The following KCNMA1 variants were observed in gnomAD, a reference collection of about 807,000 sequenced individuals.
The protein encoded by KCNMA1 is potassium calcium-activated channel subfamily M alpha 1.
In KCNMA1, 29 loss-of-function variants were observed where a neutral mutation model predicts 140.0. The observed-to-expected ratio is 0.21, with a 90% CI of 0.15 to 0.28. The LOEUF is 0.28. Among genes scored for constraint, KCNMA1 ranks in the 10% least tolerant of loss-of-function variants. KCNMA1 has a pLI of 1.00. For synonymous variants in KCNMA1, 612 were observed against 611.9 expected, an observed-to-expected ratio of 1.00 and a Z score of 0.00; for missense variants, 880 against 1,602.2, an observed-to-expected ratio of 0.55 and a Z score of 7.70.
At position 77,479,190 on chromosome 10, in the gene KCNMA1, A is replaced by G. The variant is rs183951684; in HGVS notation, c.379-75167T>C. On this transcript the variant is annotated intron_variant, in intron 1 of 27. Coordinates refer to ENST00000286628, the MANE Select transcript of KCNMA1 (RefSeq NM_001161352.2). The stretch of plus-strand genomic sequence containing the variant: ...GAAATAGAAAAGAATATCCACAGAT[A>G]TTATTCAGCCTTGCTGGGATTTGGA... Among the ~76,000 whole-genome samples, 727 of 152,338 alleles carry G rather than the reference A, an allele frequency of 4.8e-3. 2 individuals are homozygous for G. The highest frequency in any genetic ancestry group is 0.017 in the Middle Eastern group (5 of 294).
chr10:77,489,764 T>C (rs1949352), intron 1 of KCNMA1, among the ~76,000 whole-genome samples: 28,110 of 152,230 alleles, frequency 0.18, 4,536 homozygotes, highest in African/African-American at 0.43. Flanking sequence ...GAAAATACTA[T>C]AGAGTAAGGC....
chr10:77,506,596 A>AGAGAGAGAGAGAGAGAGTGTGTGTGTGT lies in KCNMA1; in HGVS notation c.379-102574_379-102573insACACACACACACTCTCTCTCTCTCTCTC. ...TAGAGAGAGAGAGAGAGAGAGAGAG[A>AGAGAGAGAGAGAGAGAGTGTGTGTGTGT]GTGTGTGTGTGTGTGTGTGTGTGTT... On this transcript the variant is annotated intron_variant, in intron 1 of 27. Transcript: ENST00000286628. Among the ~76,000 whole-genome samples, 32 of 83,560 alleles carry AGAGAGAGAGAGAGAGAGTGTGTGTGTGT rather than the reference A, an allele frequency of 3.8e-4. 2 individuals are homozygous for AGAGAGAGAGAGAGAGAGTGTGTGTGTGT. The highest frequency in any genetic ancestry group is 2.1e-3 in the African/African-American group (28 of 13,404). The allele number at this position is 83,560 out of a possible 152,430, so 54.8% of individuals were successfully genotyped here.
chr10:77,434,031 C>T lies in KCNMA1; in HGVS notation c.379-30008G>A, dbSNP rs556733859. On this transcript the variant is annotated intron_variant, in intron 1 of 27. Transcript: ENST00000286628. ...AGTTAAACTTTTTATGTCACCAACACGCCCCAACCTCAGAGTTGTCCCTTC... is the reference window on the plus strand; with the variant it reads ...AGTTAAACTTTTTATGTCACCAACATGCCCCAACCTCAGAGTTGTCCCTTC... 9.2e-5 allele frequency among the ~76,000 whole-genome samples: 14 copies of T among 152,300 alleles called. No homozygotes were observed. In the East Asian group the frequency reaches 1.5e-3, roughly 17 times the overall value.
intron 2 of KCNMA1, among the ~76,000 whole-genome samples, chr10:77,341,980 AG>A (rs1169096049): frequency 1.3e-5 from 2 of 152,206 alleles, no homozygotes; most frequent in African/African-American, 4.8e-5. Context: ...AGCACCCAAA[AG>A]ACCCCTCTGG....
chr10:77,267,038 A>G (rs2063637218), intron 2 of KCNMA1, among the ~76,000 whole-genome samples: 1 of 152,198 alleles, frequency 6.6e-6, no homozygotes, highest in Non-Finnish European at 1.5e-5. Flanking sequence ...GACTCTCCAG[A>G]GAAGGGGCAA....
intron 2 of KCNMA1, among the ~76,000 whole-genome samples, chr10:77,377,450 T>A (rs1189183548): frequency 3.9e-5 from 6 of 152,036 alleles, no homozygotes; most frequent in Non-Finnish European, 5.9e-5. Flanking sequence ...AGTAGGGAAG[T>A]GGTGGCCAGG....
At chr10:77,188,926 C>G (rs1248056924) in intron 3 of KCNMA1, among the ~76,000 whole-genome samples, 2 of 152,094 alleles carry the variant, frequency 1.3e-5, no homozygotes, top group Non-Finnish European at 2.9e-5. Flanking sequence ...GAAGGATCAC[C>G]CGCTCCTCAC....
At chr10:77,617,443 T>C (rs1282969499) in intron 1 of KCNMA1, among the ~76,000 whole-genome samples, 1 of 152,192 alleles carries the variant, frequency 6.6e-6, no homozygotes. Flanking sequence ...CTTTGAAACA[T>C]GAAGCAGGGA....
chr10:77,208,101 G>A (rs1015784701), intron 3 of KCNMA1, among the ~76,000 whole-genome samples: 2 of 152,244 alleles, frequency 1.3e-5, no homozygotes, highest in African/African-American at 4.8e-5. Flanking sequence ...AAAGTAGAGA[G>A]TGGAATGCCA....
At chr10:77,585,843 G>T (rs979895852) in intron 1 of KCNMA1, among the ~76,000 whole-genome samples, 4 of 152,112 alleles carry the variant, frequency 2.6e-5, no homozygotes, top group Admixed American at 2.0e-4. Flanking sequence ...TGAGATTCAT[G>T]CATTGTTATT....
intron 23 of KCNMA1, among the ~76,000 whole-genome samples, chr10:76,920,015 T>G (rs2054746983): frequency 1.5e-5 from 1 of 67,122 alleles, no homozygotes; most frequent in African/African-American, 1.0e-4. Context: ...TGTGTGTGTG[T>G]GTGTGTATAT....
intron 22 of KCNMA1, among the ~76,000 whole-genome samples, chr10:76,948,699 G>C (rs1225575113): frequency 6.6e-6 from 1 of 152,174 alleles, no homozygotes; most frequent in Admixed American, 6.5e-5. Flanking sequence ...CAGAAATAAA[G>C]AACTCTGTTA....
chr10:77,139,546 T>C (rs1215049672), intron 5 of KCNMA1, among the ~76,000 whole-genome samples: 1 of 152,240 alleles, frequency 6.6e-6, no homozygotes, highest in Non-Finnish European at 1.5e-5. Flanking sequence ...GAGCTGTGCC[T>C]ACCCACATCA....
intron 1 of KCNMA1, among the ~76,000 whole-genome samples, chr10:77,434,981 T>G (rs2097228773): frequency 6.6e-6 from 1 of 151,934 alleles, no homozygotes; most frequent in South Asian, 2.1e-4. Flanking sequence ...GGGGAGAGAG[T>G]CTCACTCTGC....
intron 1 of KCNMA1, among the ~76,000 whole-genome samples, chr10:77,414,428 G>A (rs1325234769): frequency 1.3e-5 from 2 of 152,124 alleles, no homozygotes; most frequent in African/African-American, 4.8e-5. Flanking sequence ...TCTGTCCTTG[G>A]TGATTTTACA....
chr10:77,627,758 G>T (rs891151725), intron 1 of KCNMA1, among the ~76,000 whole-genome samples: 1 of 152,180 alleles, frequency 6.6e-6, no homozygotes, highest in Non-Finnish European at 1.5e-5. Flanking sequence ...CAAACAGAAA[G>T]ATCTTTCCAA....
intron 25 of KCNMA1, among the ~76,000 whole-genome samples, chr10:76,907,184 C>T (rs1048134975): frequency 2.0e-5 from 3 of 152,152 alleles, no homozygotes; most frequent in Non-Finnish European, 4.4e-5. Flanking sequence ...ACATGCTGCT[C>T]CCATACTATT....
intron 3 of KCNMA1, among the ~76,000 whole-genome samples, chr10:77,209,628 T>A (rs1332304469): frequency 6.6e-6 from 1 of 152,154 alleles, no homozygotes; most frequent in Non-Finnish European, 1.5e-5. Flanking sequence ...AAGAGTTGGC[T>A]CTTCGAAAGA....
At position 76,938,419 on chromosome 10, in the gene KCNMA1, G is replaced by A. The variant is rs191484236; in HGVS notation, c.2902+6354C>T. Reference sequence around the variant, plus strand: ...TTTGCATGTACAGTGACTCCTTCTAGAACCTCCCATTCTTTTTCCAGTCCA... The same window carrying A: ...TTTGCATGTACAGTGACTCCTTCTAAAACCTCCCATTCTTTTTCCAGTCCA... On this transcript the variant is annotated intron_variant, in intron 23 of 27. Coordinates refer to ENST00000286628, the MANE Select transcript of KCNMA1 (RefSeq NM_001161352.2). 2.4e-4 allele frequency among the ~76,000 whole-genome samples: 37 copies of A among 152,268 alleles called. 1 individual carries two copies. The highest frequency in any genetic ancestry group is 5.9e-5 in the Non-Finnish European group (4 of 68,028).
Sources: gnomAD v4.1 joint callset for allele counts (sites outside exome capture counted in the v4.1 genomes callset) on GRCh38, gnomAD v4.1.1 for gene constraint, MANE v1.5 for transcripts, NCBI Gene and HGNC (gene_info 2026-07-23, HGNC 2026-07-21) for gene names.